Variants in CARTPT observed in about 807,000 individuals in gnomAD.
CARTPT encodes the protein CART prepropeptide.
A neutral mutation model predicts 12.2 loss-of-function variants in CARTPT; 6 were observed. The ratio of observed to expected loss-of-function variants is 0.49; its 90% CI spans 0.27 to 0.97. The LOEUF (loss-of-function observed/expected upper bound fraction) is 0.97, where lower values mean the gene tolerates loss of function less well. Ranked by LOEUF, CARTPT falls within the 50% of genes least tolerant of loss-of-function variation. The probability of loss-of-function intolerance (pLI) is 0.12; values close to 1 mark genes in which losing one functional copy is unlikely to be tolerated. For synonymous variants in CARTPT, 75 were observed against 64.1 expected (o/e 1.17, Z -0.82); for missense variants, 135 against 142.0 (o/e 0.95, Z 0.25).
At chr5:71,719,698 C>A in intron 1 of CARTPT, 182 bp from the exon 2 acceptor site, 1 of 751,254 alleles carries the variant, frequency 1.3e-6, no homozygotes, top group Admixed American at 2.1e-5. Flanking sequence ...CAGAGACCCG[C>A]GGTCAGTACC....
Position 71,720,880 on chromosome 5 carries a change from A to C in CARTPT, c.*265A>C, listed in dbSNP as rs976545729. 4.6e-5 allele frequency: 21 copies of C among 455,040 alleles called. No homozygotes were observed. Among genetic ancestry groups the C allele is most frequent in the Non-Finnish European group, 7.6e-5 (19 of 249,500 alleles). 28.2% of individuals were successfully genotyped at this position (455,040 alleles called of 1,614,324 possible). A position where few individuals can be genotyped will look rare whatever the true frequency, so the allele number is the denominator to read the frequency against. On this transcript the variant is annotated 3_prime_UTR_variant, in exon 3 of 3. Transcript: ENST00000296777. ...ACTCTTGTGTACCTTTGTGTAAAGAAGGGAAGCTTTGTTTGAAAATTGTAT... is the reference window on the plus strand; with the variant it reads ...ACTCTTGTGTACCTTTGTGTAAAGACGGGAAGCTTTGTTTGAAAATTGTAT...
At chr5:71,720,305 T>C (rs144788260) in intron 2 of CARTPT, among the ~76,000 whole-genome samples, 1 of 152,150 alleles carries the variant, frequency 6.6e-6, no homozygotes, top group Admixed American at 6.5e-5. Context: ...ACTAATAATG[T>C]AAGTTTCTTT....
At chr5:71,720,408 T>C in intron 2 of CARTPT, 100 bp from the exon 3 acceptor site, 2 of 982,834 alleles carry the variant, frequency 2.0e-6, no homozygotes, top group East Asian at 2.6e-5. Context: ...TGGGGTCCAA[T>C]TGCCCCTTTC....
chr5:71,720,356 C>G (rs148418583), intron 2 of CARTPT, 152 bp from the exon 3 acceptor site: 1,418 of 723,556 alleles, frequency 2.0e-3, no homozygotes, highest in Admixed American at 5.7e-3. Flanking sequence ...ACAAGGCTCC[C>G]TGTTTCAGAT....
chr5:71,720,161 T>C (rs983470480), intron 2 of CARTPT, among the ~76,000 whole-genome samples, 198 bp downstream of exon 2: 1 of 152,076 alleles, frequency 6.6e-6, no homozygotes, highest in Non-Finnish European at 1.5e-5. Flanking sequence ...TGTAAGTCTA[T>C]TGTTTGTTGC....
At chr5:71,719,722 G>T (rs972738085) in intron 1 of CARTPT, 158 bp from the exon 2 acceptor site, 4 of 805,794 alleles carry the variant, frequency 5.0e-6, no homozygotes, top group Admixed American at 2.0e-5. Context: ...GACAGCGTCC[G>T]CTAAGTTTCC....
rs1302611855 is a variant in CARTPT, at chr5:71,720,593, C to T, written c.329C>T (p.Ser110Phe). 2 of 1,610,530 alleles carry T rather than the reference C, an allele frequency of 1.2e-6. No homozygotes were observed. The highest frequency in any genetic ancestry group is 1.7e-6 in the Non-Finnish European group (2 of 1,178,588). The change falls in exon 3 of 3, where the codon TCC becomes TTC. Residue 110 changes from serine (S) to phenylalanine (F), a missense_variant. By Grantham distance (155) the Ser-to-Phe change is radical. Coordinates refer to ENST00000296777, the MANE Select transcript of CARTPT (RefSeq NM_004291.4). ...TGTCCCCGAGGAACCTCCTGCAATT[C>T]CTTCCTCCTGAAGTGCTTATGAAGG... ...CDCPRGTSCNSFLLKCL is the reference protein window; with the variant it reads ...CDCPRGTSCNFFLLKCL
In CARTPT at chr5:71,720,805, G is replaced by A; in HGVS notation, c.*190G>A. 1 of 619,750 alleles carries A rather than the reference G, an allele frequency of 1.6e-6. No individual in the cohort carries two copies. The highest frequency in any genetic ancestry group is 2.9e-6 in the Non-Finnish European group (1 of 345,174). 38.4% of individuals were successfully genotyped at this position (619,750 alleles called of 1,614,324 possible). On this transcript the variant is annotated 3_prime_UTR_variant, in exon 3 of 3. Transcript: ENST00000296777. ...GTTACTGTGTGAAGAATAATGCCTT[G>A]TATGGTGTTGATACGTGTGTGAAGT... is the stretch of plus-strand genomic sequence containing the variant.
chr5:71,719,668 C>A, intron 1 of CARTPT: 1 of 755,748 alleles, frequency 1.3e-6, no homozygotes. Flanking sequence ...CCCCTCTGAG[C>A]AACAGGGACC....
In CARTPT at chr5:71,719,277, C is replaced by A. The variant is rs770780074; in HGVS notation, c.-17C>A. The A allele has an allele frequency of 6.8e-6, 11 of 1,609,390 alleles. No individual in the cohort carries two copies. In the Admixed American group the frequency reaches 1.7e-4, roughly 24 times the overall value. On this transcript the variant is annotated 5_prime_UTR_variant, in exon 1 of 3. Coordinates refer to ENST00000296777, the MANE Select transcript of CARTPT (RefSeq NM_004291.4). ...GTGGGAGCGCGTGGTGCCCCAGCAA[C>A]GACGAGTTTCAGAACGATGGAGAGC...
rs776155749 is a variant in CARTPT, at chr5:71,720,513, C to T, written c.249C>T (p.Asp83=). 1.2e-6 allele frequency: 2 copies of T among 1,611,530 alleles called. No homozygotes were observed. Among genetic ancestry groups the T allele is most frequent in the East Asian group, 2.2e-5 (1 of 44,860 alleles). The change falls in exon 3 of 3, where the codon GAC becomes GAT. Residue 83 remains aspartate (D), a synonymous_variant. Coordinates refer to ENST00000296777, the MANE Select transcript of CARTPT (RefSeq NM_004291.4). The part of the protein sequence containing the change: ...EKKYGQVPMC[D]AGEQCAVRKG... ...CACACATTTTGTTGTTTCAGTGTGA[C>T]GCCGGTGAGCAGTGTGCAGTGAGGA... is the stretch of plus-strand genomic sequence containing the variant.
chr5:71,720,443 T>G, intron 2 of CARTPT, 65 bp from the exon 3 acceptor site: 109 of 1,431,646 alleles, frequency 7.6e-5, no homozygotes, highest in Non-Finnish European at 9.5e-5. Context: ...GCGTTGACTG[T>G]GAGACTTGCC....
In CARTPT at chr5:71,719,862, C is replaced by G; in HGVS notation, c.160-18C>G. Reference sequence around the variant, plus strand: ...CAGCCAAGGCGGCAACTTCAGGCTCCGAAGCGGTGTGTTGCAGATCGAAGC... The same window carrying G: ...CAGCCAAGGCGGCAACTTCAGGCTCGGAAGCGGTGTGTTGCAGATCGAAGC... On this transcript the variant is annotated intron_variant, in intron 1 of 2. Coordinates refer to ENST00000296777, the MANE Select transcript of CARTPT (RefSeq NM_004291.4). 1 of 1,613,836 alleles carries G rather than the reference C, an allele frequency of 6.2e-7. No homozygotes were observed. Among genetic ancestry groups the G allele is most frequent in the Non-Finnish European group, 8.5e-7 (1 of 1,179,762 alleles).
Position 71,719,339 on chromosome 5 carries a change from C to T in CARTPT, c.46C>T (p.Leu16=), listed in dbSNP as rs1377131136. The part of the protein sequence containing the change: ...VRLLPLLGAA[L]LLMLPLLGTR... ...GCTGCTGCCCCTCCTGGGCGCCGCC[C>T]TGCTGCTGATGCTACCTCTGTTGGG... Residue 16 remains leucine, a synonymous_variant, in exon 1 of 3, where the codon CTG becomes TTG. Transcript: ENST00000296777. 6.2e-7 allele frequency: 1 copy of T among 1,613,878 alleles called. No individual in the cohort carries two copies. The highest frequency in any genetic ancestry group is 8.5e-7 in the Non-Finnish European group (1 of 1,180,022).
intron 2 of CARTPT, 29 bp from the exon 3 acceptor site, chr5:71,720,479 C>T: frequency 6.3e-7 from 1 of 1,587,524 alleles, no homozygotes; most frequent in African/African-American, 1.3e-5. Flanking sequence ...TTTGTTCATA[C>T]TCGATGACCA....
intron 2 of CARTPT, among the ~76,000 whole-genome samples, chr5:71,720,222 C>G (rs1183059280): frequency 6.6e-6 from 1 of 152,068 alleles, no homozygotes; most frequent in Non-Finnish European, 1.5e-5. Flanking sequence ...AGAAAAGGAG[C>G]CAGGAAATGT....
At chr5:71,719,525 C>A in intron 1 of CARTPT, 73 bp downstream of exon 1, 1 of 1,543,646 alleles carries the variant, frequency 6.5e-7, no homozygotes, top group Admixed American at 1.7e-5. Context: ...TCCCTCCTCC[C>A]CCCACCCCCA....
Position 71,720,991 on chromosome 5 carries a change from G to T in CARTPT, c.*376G>T. The T allele has an allele frequency of 3.8e-6, 1 of 263,402 alleles. No individual in the cohort carries two copies. Among genetic ancestry groups the T allele is most frequent in the Non-Finnish European group, 7.4e-6 (1 of 134,628 alleles). 16.3% of individuals were successfully genotyped at this position (263,402 alleles called of 1,614,324 possible). ...CAACCTGGAAAATAAATCACCCTAA[G>T]TGACACAAATTGAAGCATGTACAAA... is the stretch of plus-strand genomic sequence containing the variant. On this transcript the variant is annotated 3_prime_UTR_variant, in exon 3 of 3. Coordinates refer to ENST00000296777, the MANE Select transcript of CARTPT (RefSeq NM_004291.4).
chr5:71,719,282 A>G lies in CARTPT; in HGVS notation c.-12A>G. On this transcript the variant is annotated 5_prime_UTR_variant, in exon 1 of 3. Transcript: ENST00000296777. ...AGCGCGTGGTGCCCCAGCAACGACG[A>G]GTTTCAGAACGATGGAGAGCTCCCG... The G allele has an allele frequency of 2.5e-6, 4 of 1,610,298 alleles. No individual in the cohort carries two copies. The highest frequency in any genetic ancestry group is 2.5e-6 in the Non-Finnish European group (3 of 1,179,982).
Sources: allele counts gnomAD v4.1 joint callset (sites outside exome capture counted in the v4.1 genomes callset), GRCh38; gene constraint gnomAD v4.1.1; transcripts MANE v1.5; gene names NCBI Gene and HGNC (gene_info 2026-07-23, HGNC 2026-07-21).